Variants in EPHA6 observed in about 807,000 individuals in gnomAD.
EPHA6 encodes the protein ephrin type-A receptor 6.
Under a neutral mutation model 112.0 loss-of-function variants are expected in EPHA6, and 50 were observed. That is an observed-to-expected ratio of 0.45 (90% CI 0.36 to 0.56). EPHA6 has a LOEUF of 0.56. EPHA6 is among the 20% of genes least tolerant of loss of function. EPHA6 has a pLI of 0.00. For synonymous variants in EPHA6, 529 were observed against 490.7 expected (o/e 1.08, Z -1.03); for missense variants, 1,280 against 1,417.4 (o/e 0.90, Z 1.56).
chr3:96,877,816 A>G (rs1287315771), intron 2 of EPHA6, among the ~76,000 whole-genome samples: 1 of 151,810 alleles, frequency 6.6e-6, no homozygotes, highest in Non-Finnish European at 1.5e-5. Context: ...CTTCCCCATA[A>G]TTAGCAATGT....
intron 2 of EPHA6, among the ~76,000 whole-genome samples, chr3:96,921,114 A>C (rs2039739292): frequency 6.6e-6 from 1 of 152,054 alleles, no homozygotes; most frequent in Admixed American, 6.5e-5. Flanking sequence ...ACTATATCTC[A>C]AAAAATATTT....
chr3:97,252,305 A>C (rs1381926337), intron 5 of EPHA6, among the ~76,000 whole-genome samples: 2 of 152,078 alleles, frequency 1.3e-5, no homozygotes, highest in African/African-American at 4.8e-5. Context: ...GTAACCCACA[A>C]TGGGAGACCA....
At chr3:97,729,942 A>C (rs537689248) in intron 15 of EPHA6, among the ~76,000 whole-genome samples, 1 of 152,238 alleles carries the variant, frequency 6.6e-6, no homozygotes, top group East Asian at 1.9e-4. Context: ...ATAAAAATAA[A>C]ACCATTTCAC....
intron 14 of EPHA6, among the ~76,000 whole-genome samples, chr3:97,712,537 A>G (rs2034021144): frequency 6.6e-6 from 1 of 152,198 alleles, no homozygotes; most frequent in Non-Finnish European, 1.5e-5. Context: ...TAAAGTACAT[A>G]TTTATTCTCC....
intron 11 of EPHA6, among the ~76,000 whole-genome samples, chr3:97,554,440 AT>A (rs2093073679): frequency 6.6e-6 from 1 of 152,062 alleles, no homozygotes; most frequent in Admixed American, 6.6e-5. Flanking sequence ...TTTAACAGCT[AT>A]TTCTTTTAGG....
intron 1 of EPHA6, among the ~76,000 whole-genome samples, chr3:96,857,881 TCC>T (rs2035788197): frequency 6.6e-6 from 1 of 152,130 alleles, no homozygotes; most frequent in African/African-American, 2.4e-5. Context: ...TATTATTGTG[TCC>T]GGTTTAATGA....
In EPHA6 at chr3:97,677,220, A is replaced by G. The variant is rs1241911123; in HGVS notation, c.2784+39138A>G. Reference sequence around the variant, plus strand: ...TTTAGTATCCAAATTAAGAAGTGCTACATGTGTAAAATACACACCAGATTA... The same window carrying G: ...TTTAGTATCCAAATTAAGAAGTGCTGCATGTGTAAAATACACACCAGATTA... On this transcript the variant is annotated intron_variant, in intron 14 of 17. Coordinates refer to ENST00000389672, the MANE Select transcript of EPHA6 (RefSeq NM_001080448.3). Among the ~76,000 whole-genome samples the G allele has an allele frequency of 2.0e-5, 3 of 152,216 alleles. No individual in the cohort carries two copies. In the East Asian group the frequency reaches 5.8e-4, roughly 29 times the overall value.
At chr3:97,136,042 A>C (rs2075761038) in intron 3 of EPHA6, among the ~76,000 whole-genome samples, 1 of 152,182 alleles carries the variant, frequency 6.6e-6, no homozygotes, top group South Asian at 2.1e-4. Flanking sequence ...TTGAAACAGG[A>C]ACCCTCAAAG....
intron 6 of EPHA6, among the ~76,000 whole-genome samples, chr3:97,438,511 A>G (rs1041732098): frequency 1.3e-5 from 2 of 152,210 alleles, no homozygotes; most frequent in African/African-American, 4.8e-5. Flanking sequence ...AATAATATTT[A>G]AGAATTTAAA....
intron 1 of EPHA6, among the ~76,000 whole-genome samples, chr3:96,836,187 A>T (rs1015141386): frequency 1.3e-5 from 2 of 152,100 alleles, no homozygotes; most frequent in Non-Finnish European, 2.9e-5. Context: ...TTGGCATCAT[A>T]CTAGTGCATG....
intron 15 of EPHA6, among the ~76,000 whole-genome samples, chr3:97,731,262 T>C (rs968863917): frequency 2.6e-5 from 4 of 152,044 alleles, no homozygotes; most frequent in Admixed American, 1.3e-4. Flanking sequence ...AGAATGGCAG[T>C]ACCCTTCCTA....
chr3:97,664,746 T>A (rs1290421542), intron 14 of EPHA6, among the ~76,000 whole-genome samples: 1 of 152,086 alleles, frequency 6.6e-6, no homozygotes, highest in African/African-American at 2.4e-5. Context: ...ATAAAATACC[T>A]AGGAATCCAA....
chr3:97,063,999 G>A (rs2046105297), intron 3 of EPHA6, among the ~76,000 whole-genome samples: 1 of 152,186 alleles, frequency 6.6e-6, no homozygotes, highest in Non-Finnish European at 1.5e-5. Flanking sequence ...AGTTCAGATG[G>A]TTGTGGACAC....
chr3:97,615,083 C>G (rs971007567), intron 13 of EPHA6, among the ~76,000 whole-genome samples: 6 of 152,218 alleles, frequency 3.9e-5, no homozygotes, highest in South Asian at 2.1e-4. Flanking sequence ...TGGGACTGAT[C>G]AGGGAAACAG....
intron 11 of EPHA6, among the ~76,000 whole-genome samples, chr3:97,558,046 A>G (rs912014482): frequency 6.6e-6 from 1 of 152,016 alleles, no homozygotes; most frequent in African/African-American, 2.4e-5. Context: ...GCACAGGGGC[A>G]GGACAAGTAA....
At chr3:97,612,427 T>C (rs2093728094) in intron 13 of EPHA6, 1 of 412,726 alleles carries the variant, frequency 2.4e-6, no homozygotes, top group South Asian at 1.8e-5. Context: ...AGATATTCAA[T>C]CTAAATTGCT....
At chr3:97,729,916 A>G (rs901098060) in intron 15 of EPHA6, among the ~76,000 whole-genome samples, 7 of 152,068 alleles carry the variant, frequency 4.6e-5, no homozygotes, top group Admixed American at 3.9e-4. Flanking sequence ...AGATGTGAAG[A>G]ATATTTAGAA....
intron 14 of EPHA6, among the ~76,000 whole-genome samples, chr3:97,685,433 C>A (rs985528212): frequency 3.3e-5 from 5 of 152,144 alleles, no homozygotes; most frequent in African/African-American, 9.7e-5. Flanking sequence ...TGTCATATAA[C>A]CTCCCAAACC....
intron 5 of EPHA6, among the ~76,000 whole-genome samples, chr3:97,309,253 T>C (rs1279110257): frequency 1.3e-5 from 2 of 151,752 alleles, no homozygotes; most frequent in East Asian, 1.9e-4. Context: ...AAGTTATTTT[T>C]CCCCCAACAC....
Sources: gnomAD v4.1 joint callset for allele counts (sites outside exome capture counted in the v4.1 genomes callset) on GRCh38, gnomAD v4.1.1 for gene constraint, MANE v1.5 for transcripts, NCBI Gene and HGNC (gene_info 2026-07-23, HGNC 2026-07-21) for gene names.